Variants in COL8A1 observed in about 807,000 individuals in gnomAD.
COL8A1 encodes the protein collagen alpha-1(VIII) chain.
COL8A1 carries 21 observed loss-of-function variants against 42.7 expected under a neutral mutation model. The ratio of observed to expected loss-of-function variants is 0.49; its 90% confidence interval spans 0.35 to 0.71. The LOEUF is 0.71. COL8A1 is among the 30% of genes least tolerant of loss of function. The pLI, the probability that COL8A1 is intolerant of heterozygous loss-of-function variation, is 0.01. For synonymous variants in COL8A1, 367 were observed against 369.1 expected, an observed-to-expected ratio of 0.99 and a Z score of 0.06; for missense variants, 788 against 962.4, an observed-to-expected ratio of 0.82 and a Z score of 2.40.
intron 1 of COL8A1, among the ~76,000 whole-genome samples, chr3:99,706,322 G>A (rs1939679699): frequency 6.6e-6 from 1 of 152,174 alleles, no homozygotes; most frequent in Non-Finnish European, 1.5e-5. Flanking sequence ...TTTAAAAGCA[G>A]AGGAAATTTT....
chr3:99,712,470 G>A (rs997763996), intron 1 of COL8A1, among the ~76,000 whole-genome samples: 1 of 152,104 alleles, frequency 6.6e-6, no homozygotes, highest in Non-Finnish European at 1.5e-5. Flanking sequence ...CCAGCCTGTC[G>A]GACATCCGGG....
At chr3:99,771,080 T>A (rs569801761) in intron 2 of COL8A1, among the ~76,000 whole-genome samples, 1 of 152,254 alleles carries the variant, frequency 6.6e-6, no homozygotes, top group Admixed American at 6.5e-5. Context: ...AGAACCAACT[T>A]GGTGAATCCA....
At chr3:99,769,105 A>G (rs1191170798) in intron 2 of COL8A1, among the ~76,000 whole-genome samples, 1 of 152,244 alleles carries the variant, frequency 6.6e-6, no homozygotes, top group Non-Finnish European at 1.5e-5. Context: ...AATATCAGGT[A>G]TGTAAAATTG....
chr3:99,705,546 T>A, intron 1 of COL8A1, among the ~76,000 whole-genome samples: 1 of 152,230 alleles, frequency 6.6e-6, no homozygotes, highest in East Asian at 1.9e-4. Flanking sequence ...ACTTGAATTA[T>A]TTGCATGCTA....
chr3:99,775,774 T>C (rs571693509), intron 2 of COL8A1, among the ~76,000 whole-genome samples: 1 of 152,332 alleles, frequency 6.6e-6, no homozygotes, highest in Admixed American at 6.5e-5. Flanking sequence ...TCCCAGTTCC[T>C]TGGGTCCTGT....
At chr3:99,777,694 C>G (rs139816208) in intron 2 of COL8A1, among the ~76,000 whole-genome samples, 12 of 152,278 alleles carry the variant, frequency 7.9e-5, no homozygotes, top group Admixed American at 4.6e-4. Context: ...GTTAACAAAG[C>G]TCTCTTGGAG....
At chr3:99,773,819 A>ATATATATATATATATATATATAT (rs1553682075) in intron 2 of COL8A1, among the ~76,000 whole-genome samples, 2 of 56,404 alleles carry the variant, frequency 3.5e-5, no homozygotes, top group African/African-American at 1.7e-4. Flanking sequence ...ATGTGTGTAT[A>ATATATATATATATATATATATAT]TATATATATA....
intron 2 of COL8A1, among the ~76,000 whole-genome samples, chr3:99,763,562 G>A (rs1941404079): frequency 1.3e-5 from 2 of 151,948 alleles, no homozygotes; most frequent in Non-Finnish European, 2.9e-5. Context: ...AGTCCTATGA[G>A]GTCGGTATTA....
chr3:99,750,876 C>T (rs556134903), intron 2 of COL8A1, among the ~76,000 whole-genome samples: 1 of 152,254 alleles, frequency 6.6e-6, no homozygotes, highest in East Asian at 1.9e-4. Context: ...TAAAGTGTAC[C>T]TCTTTCACCT....
intron 2 of COL8A1, among the ~76,000 whole-genome samples, chr3:99,785,356 AAATT>A (rs1941874047): frequency 1.3e-5 from 2 of 152,244 alleles, no homozygotes; most frequent in Non-Finnish European, 2.9e-5. Flanking sequence ...TTGAGAAGTC[AAATT>A]ATTCTTGTCC....
intron 2 of COL8A1, among the ~76,000 whole-genome samples, chr3:99,764,899 T>C (rs758344663): frequency 1.3e-5 from 2 of 152,070 alleles, no homozygotes; most frequent in Non-Finnish European, 2.9e-5. Context: ...AAGTTCTCCA[T>C]AAATGTTAGC....
chr3:99,689,449 C>A (rs1939153602), intron 1 of COL8A1, among the ~76,000 whole-genome samples: 1 of 152,140 alleles, frequency 6.6e-6, no homozygotes, highest in Non-Finnish European at 1.5e-5. Context: ...TTCTCAGGCA[C>A]AGAGGTGATA....
chr3:99,769,319 A>G (rs1941532459), intron 2 of COL8A1, among the ~76,000 whole-genome samples: 1 of 152,220 alleles, frequency 6.6e-6, no homozygotes, highest in African/African-American at 2.4e-5. Flanking sequence ...CATGGGGCTA[A>G]CCCCTGACAT....
intron 2 of COL8A1, among the ~76,000 whole-genome samples, chr3:99,773,815 G>GTATATATATATA (rs1553682062): frequency 2.5e-4 from 9 of 35,914 alleles, no homozygotes; most frequent in African/African-American, 7.6e-4. Context: ...ATATATGTGT[G>GTATATATATATA]TATATATATA....
chr3:99,793,960 C>CA (rs559744710), intron 3 of COL8A1, among the ~76,000 whole-genome samples: 205 of 152,240 alleles, frequency 1.3e-3, no homozygotes, highest in African/African-American at 4.8e-3. Flanking sequence ...CTGTGTTGGC[C>CA]AAGCTGGTCT....
At chr3:99,674,433 G>A (rs1320270043) in intron 1 of COL8A1, among the ~76,000 whole-genome samples, 5 of 150,442 alleles carry the variant, frequency 3.3e-5, no homozygotes, top group Non-Finnish European at 5.9e-5. Flanking sequence ...AAAGTGTATT[G>A]TCTCCTTTTT....
intron 1 of COL8A1, among the ~76,000 whole-genome samples, chr3:99,662,948 G>A (rs34400116): frequency 0.095 from 14,468 of 152,098 alleles, 853 homozygotes; most frequent in Middle Eastern, 0.12. Context: ...CTCTGATCCG[G>A]ATGCATTCTT....
chr3:99,783,965 G>T (rs1941844129), intron 2 of COL8A1, among the ~76,000 whole-genome samples: 1 of 152,180 alleles, frequency 6.6e-6, no homozygotes, highest in Non-Finnish European at 1.5e-5. Context: ...CTTGCCAGTG[G>T]CTTTGTGACT....
chr3:99,741,126 T>A (rs1286991598), intron 1 of COL8A1, among the ~76,000 whole-genome samples: 1 of 152,184 alleles, frequency 6.6e-6, no homozygotes, highest in East Asian at 1.9e-4. Flanking sequence ...TCATCTTGGC[T>A]GATTTGATAA....
Sources: allele counts gnomAD v4.1 joint callset (sites outside exome capture counted in the v4.1 genomes callset), GRCh38; gene constraint gnomAD v4.1.1; transcripts MANE v1.5; gene names NCBI Gene and HGNC (gene_info 2026-07-23, HGNC 2026-07-21).